MSI2: variants seen among roughly 807,000 people sequenced by gnomAD.
MSI2 encodes the protein RNA-binding protein Musashi homolog 2.
Under a neutral mutation model 45.6 loss-of-function variants are expected in MSI2, and 17 were observed. The observed-to-expected ratio is 0.37, with a 90% CI of 0.26 to 0.56. MSI2 has a LOEUF of 0.56. Ranked by LOEUF, MSI2 falls within the 20% of genes least tolerant of loss-of-function variation. MSI2 has a pLI of 0.77. For synonymous variants in MSI2, 156 were observed against 158.2 expected (o/e 0.99, Z 0.11); for missense variants, 293 against 444.2 (o/e 0.66, Z 3.06).
intron 5 of MSI2, among the ~76,000 whole-genome samples, chr17:57,282,504 C>A (rs1909510240): frequency 6.6e-6 from 1 of 152,142 alleles, no homozygotes; most frequent in Non-Finnish European, 1.5e-5. Context: ...GTGTGGCAGG[C>A]TCATCTTTCA....
In MSI2 at chr17:57,421,544, C is replaced by CCTCCTCCCCATTCATT. The variant is rs534669739; in HGVS notation, c.405+20080_405+20081insCCATTCATTCTCCTCC. ...TCTGTCCCTCCTCCCCATTCATTCT[C>CCTCCTCCCCATTCATT]CTCCTCCTCCTCCTTCTCCTCAGGC... On this transcript the variant is annotated intron_variant, in intron 6 of 13. Transcript: ENST00000284073. 4.3e-3 allele frequency among the ~76,000 whole-genome samples: 277 copies of CCTCCTCCCCATTCATT among 64,764 alleles called. 5 individuals are homozygous for CCTCCTCCCCATTCATT. In the Middle Eastern group the frequency reaches 0.098, roughly 23 times the overall value. 42.5% of individuals were successfully genotyped at this position (64,764 alleles called of 152,430 possible).
At chr17:57,417,352 A>G (rs1463074494) in intron 6 of MSI2, among the ~76,000 whole-genome samples, 4 of 152,176 alleles carry the variant, frequency 2.6e-5, no homozygotes, top group Admixed American at 6.5e-5. Flanking sequence ...AAAGAACCAC[A>G]TGGAGAGGGC....
chr17:57,574,530 C>G (rs1229739575), intron 7 of MSI2, among the ~76,000 whole-genome samples: 1 of 152,136 alleles, frequency 6.6e-6, no homozygotes, highest in African/African-American at 2.4e-5. Flanking sequence ...TCCTGTGTCC[C>G]CATGGTTGAG....
rs138811156 is a variant in MSI2, at chr17:57,455,782, G to A, written c.405+54311G>A. 7.1e-3 allele frequency among the ~76,000 whole-genome samples: 1,080 copies of A among 152,284 alleles called. 8 individuals are homozygous for A. The highest frequency in any genetic ancestry group is 0.014 in the Middle Eastern group (4 of 292). On this transcript the variant is annotated intron_variant, in intron 6 of 13. Coordinates refer to ENST00000284073, the MANE Select transcript of MSI2 (RefSeq NM_138962.4). ...AGCAGGGCCGCGTGGAGTGCCCAGC[G>A]GAACCTGCTCATGCTGATTTGCTGC...
chr17:57,512,550 C>G (rs1344543251), intron 6 of MSI2, among the ~76,000 whole-genome samples: 1 of 152,176 alleles, frequency 6.6e-6, no homozygotes, highest in South Asian at 2.1e-4. Flanking sequence ...TTAATTTCCT[C>G]GTTGAACAGA....
chr17:57,451,353 A>G (rs1199863647), intron 6 of MSI2, among the ~76,000 whole-genome samples: 1 of 152,212 alleles, frequency 6.6e-6, no homozygotes, highest in Non-Finnish European at 1.5e-5. Context: ...CCTGAAATGC[A>G]CAATAGAGAT....
intron 11 of MSI2, among the ~76,000 whole-genome samples, chr17:57,655,493 C>A (rs1218441686): frequency 6.6e-6 from 1 of 152,086 alleles, no homozygotes; most frequent in Non-Finnish European, 1.5e-5. Flanking sequence ...CCACCCCGTC[C>A]CACCTCTCCC....
intron 6 of MSI2, among the ~76,000 whole-genome samples, chr17:57,405,733 A>G (rs2084070547): frequency 6.6e-6 from 1 of 152,214 alleles, no homozygotes; most frequent in Non-Finnish European, 1.5e-5. Flanking sequence ...CACCAGCTAG[A>G]TGTAATTAAT....
At chr17:57,420,908 C>A (rs936064137) in intron 6 of MSI2, among the ~76,000 whole-genome samples, 2 of 152,214 alleles carry the variant, frequency 1.3e-5, no homozygotes, top group African/African-American at 2.4e-5. Flanking sequence ...CGAGCATCGC[C>A]GCTTTAATGA....
intron 5 of MSI2, among the ~76,000 whole-genome samples, chr17:57,285,028 G>GC (rs1255573773): frequency 3.3e-5 from 5 of 152,182 alleles, no homozygotes; most frequent in Non-Finnish European, 5.9e-5. Flanking sequence ...CTTGTAGGAG[G>GC]ATAGGGGAGG....
At chr17:57,578,292 G>A (rs1746067825) in intron 7 of MSI2, among the ~76,000 whole-genome samples, 1 of 152,234 alleles carries the variant, frequency 6.6e-6, no homozygotes, top group Admixed American at 6.5e-5. Context: ...AAATGAAAGT[G>A]CTTAGTTAGG....
At chr17:57,689,431 C>T (rs1009826717), downstream of MSI2, among the ~76,000 whole-genome samples, 2 of 152,076 alleles carry the variant, frequency 1.3e-5, no homozygotes, top group African/African-American at 2.4e-5. Flanking sequence ...CAGTGATATC[C>T]CTCTGGGAGA....
At chr17:57,396,527 A>T (rs1567799878) in intron 5 of MSI2, among the ~76,000 whole-genome samples, 2 of 151,926 alleles carry the variant, frequency 1.3e-5, no homozygotes, top group Non-Finnish European at 2.9e-5. Context: ...TTAAAAGGGA[A>T]TTTTTTTTAA....
At chr17:57,424,757 G>T (rs888993482) in intron 6 of MSI2, among the ~76,000 whole-genome samples, 1 of 152,052 alleles carries the variant, frequency 6.6e-6, no homozygotes, top group Admixed American at 6.5e-5. Flanking sequence ...CCTTCTCGGG[G>T]TGCCTGTGGC....
intron 5 of MSI2, among the ~76,000 whole-genome samples, chr17:57,315,143 G>A (rs994028381): frequency 6.6e-6 from 1 of 152,170 alleles, no homozygotes; most frequent in Non-Finnish European, 1.5e-5. Context: ...GCAGGGGTGC[G>A]ATGTGGGGTG....
intron 7 of MSI2, among the ~76,000 whole-genome samples, chr17:57,595,660 C>T (rs147508327): frequency 9.3e-4 from 141 of 152,060 alleles, no homozygotes; most frequent in Admixed American, 2.0e-3. Context: ...GAACTCATCA[C>T]CTCCCAGAGG....
chr17:57,670,785 T>C (rs1912717966), intron 11 of MSI2, among the ~76,000 whole-genome samples: 1 of 152,238 alleles, frequency 6.6e-6, no homozygotes. Context: ...CTGCATGTGG[T>C]ACCTGCCTTA....
intron 5 of MSI2, chr17:57,285,904 GAA>G: frequency 6.5e-7 from 1 of 1,532,480 alleles, no homozygotes; most frequent in African/African-American, 1.4e-5. Flanking sequence ...GTTATATTAA[GAA>G]AGTACTAAAG....
At chr17:57,485,376 GC>G (rs2085731928) in intron 6 of MSI2, among the ~76,000 whole-genome samples, 1 of 152,184 alleles carries the variant, frequency 6.6e-6, no homozygotes, top group Non-Finnish European at 1.5e-5. Context: ...AACGTATGAA[GC>G]TTTCTTGGGT....
Sources: allele counts gnomAD v4.1 joint callset (sites outside exome capture counted in the v4.1 genomes callset), GRCh38; gene constraint gnomAD v4.1.1; transcripts MANE v1.5; gene names NCBI Gene and HGNC (gene_info 2026-07-23, HGNC 2026-07-21).